Variants in ZNF248 observed in about 807,000 individuals in gnomAD.
The protein encoded by ZNF248 is KRAB protein domain.
Under a neutral mutation model 44.3 loss-of-function variants are expected in ZNF248, and 20 were observed. The observed-to-expected ratio is 0.45, with a 90% confidence interval of 0.32 to 0.66. The LOEUF is 0.66. Ranked by LOEUF, ZNF248 falls within the 30% of genes least tolerant of loss-of-function variation. The probability of loss-of-function intolerance (pLI) is 0.04; values close to 1 mark genes in which losing one functional copy is unlikely to be tolerated. For missense variants in ZNF248, 654 were observed against 677.0 expected (o/e 0.97, Z 0.38); for synonymous variants, 224 against 229.0 (o/e 0.98, Z 0.20).
At chr10:37,833,144 T>C (rs1218044376) in intron 5 of ZNF248, 28 bp from the exon 6 acceptor site, 1 of 1,552,436 alleles carries the variant, frequency 6.4e-7, no homozygotes, top group East Asian at 2.2e-5. Context: ...AACCACATCT[T>C]ATGAACCTTA....
chr10:37,834,944 T>G (rs1262355691), intron 5 of ZNF248, among the ~76,000 whole-genome samples: 4 of 152,140 alleles, frequency 2.6e-5, no homozygotes, highest in African/African-American at 7.2e-5. Flanking sequence ...TACACTATTA[T>G]AGTCATTGAA....
At chr10:37,839,269 C>T (rs1463204868) in intron 3 of ZNF248, among the ~76,000 whole-genome samples, 1 of 152,094 alleles carries the variant, frequency 6.6e-6, no homozygotes, top group Non-Finnish European at 1.5e-5. Flanking sequence ...TGTGAGACTC[C>T]ATTGGGAGAA....
the ZNF248 span, among the ~76,000 whole-genome samples, chr10:37,763,576 AG>A: frequency 6.6e-6 from 1 of 152,254 alleles, no homozygotes; most frequent in African/African-American, 2.4e-5. Flanking sequence ...AATATAAAAA[AG>A]AACACAGTGA....
At chr10:37,762,822 C>A in the ZNF248 span, among the ~76,000 whole-genome samples, 1 of 152,134 alleles carries the variant, frequency 6.6e-6, no homozygotes, top group African/African-American at 2.4e-5. Flanking sequence ...TCTTACTAAG[C>A]ATTTTATGGG....
the ZNF248 span, among the ~76,000 whole-genome samples, chr10:37,766,275 C>T: frequency 3.5e-4 from 53 of 152,328 alleles, no homozygotes; most frequent in Non-Finnish European, 3.7e-4. Flanking sequence ...TCTCCCAGCA[C>T]GCAACTGGAG....
At chr10:37,805,925 T>A (rs139345360) in intron 6 of ZNF248, among the ~76,000 whole-genome samples, 5 of 152,324 alleles carry the variant, frequency 3.3e-5, no homozygotes, top group African/African-American at 1.2e-4. Flanking sequence ...TATGAATACA[T>A]GCAGTACAAA....
At chr10:37,826,001 A>G (rs2054325895), downstream of ZNF248, among the ~76,000 whole-genome samples, 1 of 152,160 alleles carries the variant, frequency 6.6e-6, no homozygotes, top group Non-Finnish European at 1.5e-5. Context: ...GAGTAAAAAT[A>G]TGGGAAGCTA....
intron 5 of ZNF248, 144 bp from the exon 6 acceptor site, chr10:37,833,260 T>C: frequency 1.6e-6 from 2 of 1,241,916 alleles, no homozygotes; most frequent in Admixed American, 3.3e-5. Flanking sequence ...AAGTGTACAT[T>C]TTCTTTACCC....
rs1038016219 is a variant in ZNF248, at chr10:37,799,549, C to T, written c.331-22974G>A. On this transcript the variant is annotated intron_variant, in intron 6 of 6. Transcript: ENST00000615949. ...ACTCCAGTCTGGTGACAGAGCGAGA[C>T]TTTGTCTCCAAAAAAAGAAAAATTC... is the stretch of plus-strand genomic sequence containing the variant. 3.3e-5 allele frequency among the ~76,000 whole-genome samples: 5 copies of T among 152,176 alleles called. No homozygotes were observed. The East Asian group carries it at 9.6e-4, about 29-fold the overall frequency.
chr10:37,764,132 T>C, the ZNF248 span, among the ~76,000 whole-genome samples: 4 of 152,236 alleles, frequency 2.6e-5, no homozygotes, highest in East Asian at 7.7e-4. Context: ...ATAGGAGAAA[T>C]ATCACTGAAT....
chr10:37,791,652 C>G (rs984929398), intron 6 of ZNF248: 1 of 152,106 alleles, frequency 6.6e-6, no homozygotes, highest in African/African-American at 2.4e-5. Context: ...TAATTAAAAG[C>G]AGCAACAAAA....
At chr10:37,770,790 A>G in the ZNF248 span, among the ~76,000 whole-genome samples, 2 of 152,174 alleles carry the variant, frequency 1.3e-5, no homozygotes, top group African/African-American at 4.8e-5. Flanking sequence ...ATTAAACTAA[A>G]GAGCTTCTGC....
At chr10:37,770,211 C>T in the ZNF248 span, among the ~76,000 whole-genome samples, 1 of 152,082 alleles carries the variant, frequency 6.6e-6, no homozygotes, top group Non-Finnish European at 1.5e-5. Flanking sequence ...AGGTAATTTA[C>T]AGATTCAATG....
the ZNF248 span, among the ~76,000 whole-genome samples, chr10:37,770,036 G>A: frequency 6.6e-6 from 1 of 152,130 alleles, no homozygotes; most frequent in African/African-American, 2.4e-5. Flanking sequence ...GCTTCAAAGA[G>A]ATTAAAATAC....
At chr10:37,770,624 A>G in the ZNF248 span, among the ~76,000 whole-genome samples, 1 of 152,246 alleles carries the variant, frequency 6.6e-6, no homozygotes, top group Non-Finnish European at 1.5e-5. Flanking sequence ...AATTAATTCA[A>G]GATGGATTAA....
chr10:37,830,500 G>A lies in ZNF248; in HGVS notation c.*1115C>T, dbSNP rs903620066. ...TAAAAACCTCACGGAAATATTTTTG[G>A]CTTCTTTCTTGAAGACGTGGTTCAG... On this transcript the variant is annotated 3_prime_UTR_variant, in exon 6 of 6. Coordinates refer to ENST00000395867, the MANE Select transcript of ZNF248 (RefSeq NM_021045.3). The A allele has an allele frequency of 4.5e-5, 44 of 985,376 alleles. 1 individual carries two copies. Among genetic ancestry groups the A allele is most frequent in the Middle Eastern group, 5.2e-4 (1 of 1,914 alleles). 61.0% of individuals were successfully genotyped at this position (985,376 alleles called of 1,614,324 possible).
chr10:37,828,065 T>G (rs571196334), downstream of ZNF248, among the ~76,000 whole-genome samples: 5 of 152,324 alleles, frequency 3.3e-5, no homozygotes, highest in African/African-American at 1.2e-4. Flanking sequence ...CATTGTGAGA[T>G]CAGTCTAGTG....
intron 6 of ZNF248, chr10:37,819,487 C>T: frequency 7.0e-7 from 1 of 1,419,876 alleles, no homozygotes; most frequent in South Asian, 1.2e-5. Flanking sequence ...GTTCAAATGC[C>T]TTGTAAACTT....
At chr10:37,771,168 T>C in the ZNF248 span, among the ~76,000 whole-genome samples, 1 of 152,216 alleles carries the variant, frequency 6.6e-6, no homozygotes, top group African/African-American at 2.4e-5. Flanking sequence ...TTTTACACTG[T>C]TGGTGGGAGT....
Sources: allele counts gnomAD v4.1 joint callset (sites outside exome capture counted in the v4.1 genomes callset), GRCh38; gene constraint gnomAD v4.1.1; transcripts MANE v1.5; gene names NCBI Gene and HGNC (gene_info 2026-07-23, HGNC 2026-07-21).